TLR6: variants seen among roughly 807,000 people sequenced by gnomAD.
TLR6 encodes toll-like receptor 6.
TLR6 carries 9 observed loss-of-function variants against 16.1 expected under a neutral mutation model. The ratio of observed to expected loss-of-function variants is 0.56; its 90% CI spans 0.34 to 0.98. The LOEUF (loss-of-function observed/expected upper bound fraction) is 0.98. TLR6 is among the 50% of genes least tolerant of loss of function. The pLI, the probability that TLR6 is intolerant of heterozygous loss-of-function variation, is 0.02. For missense variants in TLR6, 786 were observed against 921.0 expected (o/e 0.85, Z 1.90); for synonymous variants, 340 against 338.6 (o/e 1.00, Z -0.04).
chr4:38,848,330 G>C (rs1263092987), intron 1 of TLR6, among the ~76,000 whole-genome samples: 1 of 152,094 alleles, frequency 6.6e-6, no homozygotes, highest in Non-Finnish European at 1.5e-5. Flanking sequence ...ACAAAGATGG[G>C]GAAAAAACAG....
chr4:38,859,235 T>C (rs55981540), upstream of TLR6, among the ~76,000 whole-genome samples: 92,379 of 152,038 alleles, frequency 0.61, 29,238 homozygotes, highest in African/African-American at 0.79. Context: ...AGAAGAGAGA[T>C]ACAGAGAAGC....
chr4:38,858,813 GGGAGA>G (rs1713110012), upstream of TLR6, among the ~76,000 whole-genome samples: 5 of 104,278 alleles, frequency 4.8e-5, no homozygotes, highest in African/African-American at 1.8e-4. Flanking sequence ...GAGAGAGAGA[GGGAGA>G]GAGAGAGAGA....
rs553723620 is a variant in TLR6 at position 38,839,603 on chromosome 4, G to A, written c.-64-10066C>T. Among the ~76,000 whole-genome samples, 198 of 152,224 alleles carry A rather than the reference G, an allele frequency of 1.3e-3. 1 individual carries two copies. Among genetic ancestry groups the A allele is most frequent in the Middle Eastern group, 6.8e-3 (2 of 294 alleles). ...TCTGCTGCAACCAGTGACCCTTCAC[G>A]GCTGAAGGGTTAACAAATCCATTTC... On this transcript the variant is annotated intron_variant, in intron 1 of 1. Transcript: ENST00000436693.
chr4:38,851,628 C>A (rs1328875521), intron 1 of TLR6, among the ~76,000 whole-genome samples: 1 of 152,106 alleles, frequency 6.6e-6, no homozygotes, highest in Admixed American at 6.5e-5. Flanking sequence ...GAGTGGACTC[C>A]CATTCACAAT....
chr4:38,867,984 T>C, the TLR6 span: 1 of 386,426 alleles, frequency 2.6e-6, no homozygotes, highest in Non-Finnish European at 5.2e-6. Flanking sequence ...GAAGCAGTGG[T>C]CAGGGAGGAC....
At chr4:38,859,303 T>C (rs55868291), upstream of TLR6, among the ~76,000 whole-genome samples, 92,313 of 151,972 alleles carry the variant, frequency 0.61, 29,207 homozygotes, top group African/African-American at 0.79. Flanking sequence ...GCAAGGGATG[T>C]CTGGAGCCAC....
the TLR6 span, chr4:38,868,087 G>C: frequency 4.7e-6 from 2 of 421,142 alleles, no homozygotes. Flanking sequence ...GTGTCGCTCC[G>C]GGTCCACGCT....
At chr4:38,831,379 C>T (rs1490155755) in intron 1 of TLR6, among the ~76,000 whole-genome samples, 2 of 151,270 alleles carry the variant, frequency 1.3e-5, no homozygotes, top group Non-Finnish European at 2.9e-5. Flanking sequence ...TAACCATAGA[C>T]CTAAATGTAT....
chr4:38,844,123 T>C (rs957374342), intron 1 of TLR6, among the ~76,000 whole-genome samples: 3 of 152,158 alleles, frequency 2.0e-5, no homozygotes, highest in South Asian at 2.1e-4. Flanking sequence ...TGATGGACAC[T>C]ACCAGGTAAG....
intron 1 of TLR6, among the ~76,000 whole-genome samples, chr4:38,835,743 G>C (rs1048364713): frequency 1.3e-4 from 20 of 152,072 alleles, no homozygotes; most frequent in African/African-American, 4.3e-4. Flanking sequence ...TTCAACAAAA[G>C]TTTTAAAAAT....
chr4:38,857,299 T>C (rs913064376), upstream of TLR6, among the ~76,000 whole-genome samples: 1 of 152,218 alleles, frequency 6.6e-6, no homozygotes, highest in African/African-American at 2.4e-5. Flanking sequence ...AGTTTACTGG[T>C]TGATACATAT....
chr4:38,823,228 T>C (rs1288982629), downstream of TLR6, among the ~76,000 whole-genome samples: 1 of 152,178 alleles, frequency 6.6e-6, no homozygotes, highest in East Asian at 1.9e-4. Flanking sequence ...TTTTTTATCT[T>C]CTTTACCATA....
chr4:38,827,823 C>T, exon 2 of TLR6: 2 of 1,614,260 alleles, frequency 1.2e-6, no homozygotes, highest in Non-Finnish European at 1.7e-6. Flanking sequence ...CCCTCTAACA[C>T]TTCACTTGAT....
At chr4:38,842,452 G>C (rs1003072523) in intron 1 of TLR6, among the ~76,000 whole-genome samples, 1 of 152,192 alleles carries the variant, frequency 6.6e-6, no homozygotes, top group Non-Finnish European at 1.5e-5. Flanking sequence ...GCCTTGCTGG[G>C]GGCTGGTAGC....
chr4:38,828,052 A>C, exon 2 of TLR6: 1 of 1,614,228 alleles, frequency 6.2e-7, no homozygotes, highest in Non-Finnish European at 8.5e-7. Context: ...GTTCTTGCAA[A>C]GCTTCCAGTT....
At chr4:38,861,780 C>T (rs973859251), upstream of TLR6, among the ~76,000 whole-genome samples, 1 of 152,156 alleles carries the variant, frequency 6.6e-6, no homozygotes, top group Non-Finnish European at 1.5e-5. Flanking sequence ...AAATCTCCTT[C>T]TCGTGTCTAG....
chr4:38,828,723 A>C, exon 2 of TLR6: 6 of 1,614,096 alleles, frequency 3.7e-6, no homozygotes, highest in Non-Finnish European at 5.1e-6. Flanking sequence ...AAATTCAGTA[A>C]GGTTGAACCT....
intron 1 of TLR6, among the ~76,000 whole-genome samples, chr4:38,849,958 T>C (rs1712698816): frequency 6.6e-6 from 1 of 151,250 alleles, no homozygotes; most frequent in South Asian, 2.1e-4. Flanking sequence ...CACACTGCAC[T>C]TATTGATAAC....
At chr4:38,844,220 C>G (rs983085636) in intron 1 of TLR6, among the ~76,000 whole-genome samples, 11 of 152,146 alleles carry the variant, frequency 7.2e-5, no homozygotes, top group African/African-American at 2.7e-4. Flanking sequence ...ATATGGACAG[C>G]GACTGGAATA....
Sources: gnomAD v4.1 joint callset for allele counts (sites outside exome capture counted in the v4.1 genomes callset) on GRCh38, gnomAD v4.1.1 for gene constraint, MANE v1.5 for transcripts, NCBI Gene and HGNC (gene_info 2026-07-23, HGNC 2026-07-21) for gene names.